Variants in NTM observed in about 807,000 individuals in gnomAD.
The protein encoded by NTM is IgLON family member 2.
NTM carries 13 observed loss-of-function variants against 42.1 expected under a neutral mutation model. The ratio of observed to expected loss-of-function variants is 0.31; its 90% CI spans 0.20 to 0.49. The LOEUF (loss-of-function observed/expected upper bound fraction) is 0.49, where lower values mean the gene tolerates loss of function less well. Ranked by LOEUF, NTM falls within the 20% of genes least tolerant of loss-of-function variation. The pLI is 0.99. For synonymous variants in NTM, 187 were observed against 179.2 expected (o/e 1.04, Z -0.35); for missense variants, 373 against 452.8 (o/e 0.82, Z 1.60).
chr11:132,050,658 G>A (rs1393956903), intron 2 of NTM, among the ~76,000 whole-genome samples: 1 of 152,166 alleles, frequency 6.6e-6, no homozygotes, highest in Non-Finnish European at 1.5e-5. Flanking sequence ...GGGGCATCTG[G>A]AAGCTCCATG....
At chr11:131,784,486 A>G (rs1057363069) in intron 1 of NTM, among the ~76,000 whole-genome samples, 2 of 152,216 alleles carry the variant, frequency 1.3e-5, no homozygotes, top group Non-Finnish European at 2.9e-5. Flanking sequence ...CTGAGCCAAA[A>G]AAACTAGATC....
intron 3 of NTM, among the ~76,000 whole-genome samples, chr11:132,166,804 A>G (rs1481961617): frequency 6.6e-6 from 1 of 152,196 alleles, no homozygotes; most frequent in African/African-American, 2.4e-5. Flanking sequence ...TGAATGTGGC[A>G]CTGACCATCA....
At chr11:131,639,737 C>G (rs1473068302) in intron 1 of NTM, among the ~76,000 whole-genome samples, 8 of 152,114 alleles carry the variant, frequency 5.3e-5, no homozygotes. Context: ...GCAGGCAGAT[C>G]ACAAGGTCAG....
intron 1 of NTM, among the ~76,000 whole-genome samples, chr11:131,710,089 G>T (rs1197266088): frequency 6.6e-6 from 1 of 152,090 alleles, no homozygotes; most frequent in African/African-American, 2.4e-5. Context: ...TGCACTGGTG[G>T]GGTCAAAGAG....
chr11:131,574,353 T>C (rs2057733950), intron 1 of NTM, among the ~76,000 whole-genome samples: 1 of 152,030 alleles, frequency 6.6e-6, no homozygotes, highest in South Asian at 2.1e-4. Context: ...GGTGCCCCAC[T>C]CCCTTTAATT....
intron 1 of NTM, among the ~76,000 whole-genome samples, chr11:131,803,500 G>C (rs1177901868): frequency 6.6e-6 from 1 of 152,134 alleles, no homozygotes; most frequent in Non-Finnish European, 1.5e-5. Flanking sequence ...AGTAGAGATA[G>C]GGTTTCCCTA....
chr11:132,109,292 C>T (rs530018213), intron 2 of NTM, among the ~76,000 whole-genome samples: 1 of 152,238 alleles, frequency 6.6e-6, no homozygotes, highest in South Asian at 2.1e-4. Flanking sequence ...CTTCCACAAT[C>T]AATGAACTAA....
intron 1 of NTM, among the ~76,000 whole-genome samples, chr11:131,511,591 C>T (rs1463473805): frequency 6.6e-6 from 1 of 152,168 alleles, no homozygotes; most frequent in Non-Finnish European, 1.5e-5. Context: ...ACAGAAACCC[C>T]GAGGTTATAC....
chr11:132,241,457 C>T (rs573411783), intron 4 of NTM, among the ~76,000 whole-genome samples: 1 of 152,124 alleles, frequency 6.6e-6, no homozygotes, highest in Non-Finnish European at 1.5e-5. Flanking sequence ...CCTCATCCCC[C>T]CCAGCAATAC....
chr11:131,506,604 C>G (rs1427375256), intron 1 of NTM, among the ~76,000 whole-genome samples: 1 of 152,116 alleles, frequency 6.6e-6, no homozygotes, highest in Non-Finnish European at 1.5e-5. Context: ...GGTTCTAGTT[C>G]TCAGGATGAG....
At position 131,599,242 on chromosome 11, in the gene NTM, G is replaced by A. The variant is rs368813274; in HGVS notation, c.82+228354G>A. On this transcript the variant is annotated intron_variant, in intron 1 of 8. Transcript: ENST00000683400. ...TTTTCTCATTTTGATGCATCGGCCC[G>A]AGTGTGCCATGCCCTGTCTACCCAG... Among the ~76,000 whole-genome samples, 512 of 130,202 alleles carry A rather than the reference G, an allele frequency of 3.9e-3. 58 individuals are homozygous for A. Among genetic ancestry groups the A allele is most frequent in the African/African-American group, 0.013 (470 of 36,516 alleles). 85.4% of individuals were successfully genotyped at this position (130,202 alleles called of 152,430 possible). A position where few individuals can be genotyped will look rare whatever the true frequency, so the allele number is the denominator to read the frequency against.
At chr11:131,987,026 C>A (rs116347961) in intron 2 of NTM, among the ~76,000 whole-genome samples, 1 of 152,220 alleles carries the variant, frequency 6.6e-6, no homozygotes, top group East Asian at 1.9e-4. Flanking sequence ...TGTTGAGGAT[C>A]TTTTATTCCA....
intron 2 of NTM, among the ~76,000 whole-genome samples, chr11:132,128,073 A>G (rs559282968): frequency 7.9e-5 from 12 of 152,272 alleles, no homozygotes; most frequent in African/African-American, 2.6e-4. Flanking sequence ...ATCAGTTTAC[A>G]TTTGGCAGAA....
intron 1 of NTM, chr11:131,910,800 G>C (rs1260005726): frequency 1.0e-6 from 1 of 983,326 alleles, no homozygotes; most frequent in East Asian, 1.1e-4. Context: ...CTGCCCCGCC[G>C]AGCCCCGCCG....
chr11:131,857,614 G>A (rs905683925), intron 1 of NTM, among the ~76,000 whole-genome samples: 1 of 152,152 alleles, frequency 6.6e-6, no homozygotes, highest in African/African-American at 2.4e-5. Context: ...ACTCCCACAG[G>A]ACAAGCAGTC....
At chr11:131,421,060 C>T (rs1411018412) in intron 1 of NTM, among the ~76,000 whole-genome samples, 1 of 152,286 alleles carries the variant, frequency 6.6e-6, no homozygotes, top group Non-Finnish European at 1.5e-5. Flanking sequence ...CACGCAGGCC[C>T]CTGCGGGTGT....
chr11:132,218,767 C>G lies in NTM; in HGVS notation c.526+6620C>G, dbSNP rs562201727. On this transcript the variant is annotated intron_variant, in intron 4 of 8. Coordinates refer to ENST00000683400, the MANE Select transcript of NTM (RefSeq NM_001352005.2). ...TCTTGTTCGTTCTTCTGCTTCAGGA[C>G]CAGAACTGGGCCTTCAGGTCTGAGC... Among the ~76,000 whole-genome samples the G allele has an allele frequency of 2.6e-5, 4 of 152,250 alleles. No individual in the cohort carries two copies. In the East Asian group the frequency reaches 7.7e-4, roughly 29 times the overall value.
chr11:131,437,421 G>T (rs1299071090), intron 1 of NTM, among the ~76,000 whole-genome samples: 3 of 152,174 alleles, frequency 2.0e-5, no homozygotes, highest in Non-Finnish European at 4.4e-5. Flanking sequence ...GGGAGTCTAA[G>T]TCTCTTAGTA....
intron 1 of NTM, among the ~76,000 whole-genome samples, chr11:131,782,008 A>T (rs1554803): frequency 6.6e-6 from 1 of 152,010 alleles, no homozygotes; most frequent in Non-Finnish European, 1.5e-5. Context: ...GAATTCATTA[A>T]TGGTTTATTT....
Sources: gnomAD v4.1 joint callset for allele counts (sites outside exome capture counted in the v4.1 genomes callset) on GRCh38, gnomAD v4.1.1 for gene constraint, MANE v1.5 for transcripts, NCBI Gene and HGNC (gene_info 2026-07-23, HGNC 2026-07-21) for gene names.